ARHGAP12: variants seen among roughly 807,000 people sequenced by gnomAD.
ARHGAP12 encodes rho GTPase-activating protein 12.
Under a neutral mutation model 108.6 loss-of-function variants are expected in ARHGAP12, and 64 were observed. The ratio of observed to expected loss-of-function variants is 0.59; its 90% confidence interval spans 0.48 to 0.73. The LOEUF (loss-of-function observed/expected upper bound fraction) is 0.73, where lower values mean the gene tolerates loss of function less well. Among genes scored for constraint, ARHGAP12 ranks in the 30% least tolerant of loss-of-function variants. ARHGAP12 has a pLI of 0.00. For missense variants in ARHGAP12, 940 were observed against 1,005.9 expected, an observed-to-expected ratio of 0.93 and a Z score of 0.89; for synonymous variants, 312 against 337.2, an observed-to-expected ratio of 0.93 and a Z score of 0.82.
chr10:31,815,339 C>T (rs2799013), intron 13 of ARHGAP12, among the ~76,000 whole-genome samples: 30,016 of 152,078 alleles, frequency 0.2, 3,295 homozygotes, highest in East Asian at 0.38. Flanking sequence ...GCTGCACCAG[C>T]ACCATCTGCT....
chr10:31,843,393 G>C, intron 7 of ARHGAP12, 68 bp downstream of exon 7: 3 of 1,454,350 alleles, frequency 2.1e-6, no homozygotes, highest in South Asian at 1.3e-5. Flanking sequence ...TAAAATATTA[G>C]TACGAATAGT....
chr10:31,851,798 T>C (rs1836691091), intron 6 of ARHGAP12, among the ~76,000 whole-genome samples: 1 of 152,194 alleles, frequency 6.6e-6, no homozygotes, highest in Non-Finnish European at 1.5e-5. Context: ...ATTGACTTAC[T>C]TTGGGGAAAA....
chr10:31,817,874 G>T lies in ARHGAP12; in HGVS notation c.1645C>A (p.Gln549Lys). The T allele has an allele frequency of 1.2e-6, 2 of 1,610,890 alleles. No homozygotes were observed. Among genetic ancestry groups the T allele is most frequent in the East Asian group, 4.5e-5 (2 of 44,730 alleles). Residue 549 changes from glutamine to lysine, a missense_variant, in exon 13 of 20, where the codon CAA becomes AAA. Physicochemically the swap from Gln to Lys is moderately conservative, Grantham distance 53 (BLOSUM62 1). Coordinates refer to ENST00000344936, the MANE Select transcript of ARHGAP12 (RefSeq NM_018287.7). ...GACTGAATTAGCAGTTCTGTTCCTTGACGAGTTTTCAGCTTTAGAGAAAAG... is the reference window on the plus strand; with the variant it reads ...GACTGAATTAGCAGTTCTGTTCCTTTACGAGTTTTCAGCTTTAGAGAAAAG... ...KKNVFELKTR[Q>K]GTELLIQSDN...
intron 4 of ARHGAP12, among the ~76,000 whole-genome samples, chr10:31,860,469 A>G (rs1043362477): frequency 7.9e-5 from 12 of 152,312 alleles, no homozygotes; most frequent in African/African-American, 2.9e-4. Flanking sequence ...TGTTTCTAAA[A>G]CACAGCTGGC....
At chr10:31,860,327 C>G (rs908384645) in intron 4 of ARHGAP12, among the ~76,000 whole-genome samples, 1 of 152,252 alleles carries the variant, frequency 6.6e-6, no homozygotes, top group Admixed American at 6.5e-5. Context: ...CTATAACAGC[C>G]GGATGTCCTA....
chr10:31,897,162 A>G (rs1267090929), intron 3 of ARHGAP12, among the ~76,000 whole-genome samples: 1 of 152,160 alleles, frequency 6.6e-6, no homozygotes, highest in Non-Finnish European at 1.5e-5. Context: ...AGGGGAGGGA[A>G]AAAATAACTA....
chr10:31,917,937 T>C (rs1367556115), intron 1 of ARHGAP12, among the ~76,000 whole-genome samples: 2 of 151,844 alleles, frequency 1.3e-5, no homozygotes, highest in Non-Finnish European at 2.9e-5. Flanking sequence ...GGTGGGTTTA[T>C]TGGAATATCA....
intron 1 of ARHGAP12, among the ~76,000 whole-genome samples, chr10:31,912,005 C>G (rs186119915): frequency 2.6e-4 from 39 of 152,294 alleles, no homozygotes; most frequent in African/African-American, 9.1e-4. Flanking sequence ...CTACCCTACC[C>G]GAGCTCTGCC....
At chr10:31,868,232 G>A (rs1837405482) in intron 3 of ARHGAP12, among the ~76,000 whole-genome samples, 1 of 150,936 alleles carries the variant, frequency 6.6e-6, no homozygotes, top group Non-Finnish European at 1.5e-5. Context: ...CCATCAGCAG[G>A]TCCAGGAAAA....
intron 1 of ARHGAP12, among the ~76,000 whole-genome samples, chr10:31,918,817 T>C (rs972595508): frequency 6.6e-6 from 1 of 152,164 alleles, no homozygotes; most frequent in East Asian, 1.9e-4. Context: ...CTAGGGAAAA[T>C]GGTATGGTAG....
At chr10:31,894,054 A>C (rs1193038660) in intron 3 of ARHGAP12, among the ~76,000 whole-genome samples, 3 of 152,210 alleles carry the variant, frequency 2.0e-5, no homozygotes, top group African/African-American at 4.8e-5. Flanking sequence ...ACAGCCCTTC[A>C]TGCTAAAAAC....
In ARHGAP12 at chr10:31,904,382, A is replaced by G. The variant is rs185977252; in HGVS notation, c.684+3790T>C. On this transcript the variant is annotated intron_variant, in intron 3 of 19. Transcript: ENST00000344936. ...AAAGGTATGATTCCATTTATATAAA[A>G]TTCTTCAAATGACAAAAGTATAGCA... is the stretch of plus-strand genomic sequence containing the variant. Among the ~76,000 whole-genome samples the G allele has an allele frequency of 3.5e-4, 54 of 152,326 alleles. 1 individual carries two copies. Among genetic ancestry groups the G allele is most frequent in the African/African-American group, 1.3e-3 (52 of 41,570 alleles).
At chr10:31,812,850 C>G (rs769565390) in intron 14 of ARHGAP12, 27 bp from the exon 15 acceptor site, 2 of 1,355,412 alleles carry the variant, frequency 1.5e-6, no homozygotes. Flanking sequence ...AGGTAATGAG[C>G]ATTTGTAAAA....
intron 3 of ARHGAP12, among the ~76,000 whole-genome samples, chr10:31,889,978 T>TA (rs1366067645): frequency 1.3e-5 from 2 of 152,142 alleles, no homozygotes; most frequent in Non-Finnish European, 2.9e-5. Flanking sequence ...TACTTGTACT[T>TA]AGTCATTCTA....
chr10:31,924,786 T>TAAC (rs1670286740), intron 1 of ARHGAP12, among the ~76,000 whole-genome samples: 1 of 152,152 alleles, frequency 6.6e-6, no homozygotes, highest in African/African-American at 2.4e-5. Flanking sequence ...ATCTAGGCTT[T>TAAC]ACCATTTATC....
At chr10:31,900,036 C>G (rs1838855282) in intron 3 of ARHGAP12, among the ~76,000 whole-genome samples, 1 of 151,978 alleles carries the variant, frequency 6.6e-6, no homozygotes, top group South Asian at 2.1e-4. Flanking sequence ...AGAAAACAAC[C>G]CAATTAAAAA....
rs1377094098 is a variant in ARHGAP12 at position 31,908,660 on chromosome 10, C to T, written c.196G>A (p.Ala66Thr). ...CGCGTGACCTCCTTCACATACTGGG[C>T]TGGCACATAAAACGCTTTGGAGTTT... ...DENSKAFYVPAQYVKEVTRKA... is the reference protein window; with the variant it reads ...DENSKAFYVPTQYVKEVTRKA... Residue 66 changes from alanine to threonine, a missense_variant, in exon 3 of 20, where the codon GCC becomes ACC. Physicochemically the swap from Ala to Thr is moderately conservative, Grantham distance 58. Coordinates refer to ENST00000344936, the MANE Select transcript of ARHGAP12 (RefSeq NM_018287.7). The T allele has an allele frequency of 1.9e-6, 3 of 1,614,162 alleles. No homozygotes were observed. The highest frequency in any genetic ancestry group is 2.5e-6 in the Non-Finnish European group (3 of 1,180,020).
At chr10:31,854,580 G>A (rs985264458) in intron 4 of ARHGAP12, among the ~76,000 whole-genome samples, 2 of 152,108 alleles carry the variant, frequency 1.3e-5, no homozygotes, top group African/African-American at 4.8e-5. Flanking sequence ...GAGGAGACGA[G>A]GGAACTTCAT....
In ARHGAP12 at chr10:31,854,214, TAGTC is replaced by T. The variant is rs1421406276; in HGVS notation, c.949-12_949-9del. On this transcript the variant is annotated splice_polypyrimidine_tract_variant and intron_variant, in intron 4 of 19. Coordinates refer to ENST00000344936, the MANE Select transcript of ARHGAP12 (RefSeq NM_018287.7). ...TTCTTCCGATGAAAGAAGCTACAAA[TAGTC>T]AGAAACATAAGGATTTTTCTTTTTT... 4 of 1,597,230 alleles carry T rather than the reference TAGTC, an allele frequency of 2.5e-6. No homozygotes were observed. Among genetic ancestry groups the T allele is most frequent in the African/African-American group, 1.4e-5 (1 of 73,888 alleles).
Sources: allele counts gnomAD v4.1 joint callset (sites outside exome capture counted in the v4.1 genomes callset), GRCh38; gene constraint gnomAD v4.1.1; transcripts MANE v1.5; gene names NCBI Gene and HGNC (gene_info 2026-07-23, HGNC 2026-07-21).